RIMS2: variants seen among roughly 807,000 people sequenced by gnomAD.
RIMS2 encodes the protein regulating synaptic membrane exocytosis protein 2.
In RIMS2, 59 loss-of-function variants were observed where a neutral mutation model predicts 174.4. The observed-to-expected ratio is 0.34, with a 90% CI of 0.27 to 0.42. RIMS2 has a LOEUF of 0.42. Ranked by LOEUF, RIMS2 falls within the 10% of genes least tolerant of loss-of-function variation. The probability of loss-of-function intolerance (pLI) is 1.00; values close to 1 mark genes in which losing one functional copy is unlikely to be tolerated. For synonymous variants in RIMS2, 606 were observed against 572.5 expected (o/e 1.06, Z -0.84); for missense variants, 1,620 against 1,666.3 (o/e 0.97, Z 0.48).
chr8:103,696,862 C>CAAAAAAAAAAAAAAAAAAAAAA (rs55852238), intron 1 of RIMS2, among the ~76,000 whole-genome samples: 1 of 53,742 alleles, frequency 1.9e-5, no homozygotes, highest in Non-Finnish European at 3.5e-5. Context: ...GACTTCGTCT[C>CAAAAAAAAAAAAAAAAAAAAAA]AAAAAAAAAA....
At chr8:103,874,761 G>T (rs987304906) in intron 3 of RIMS2, among the ~76,000 whole-genome samples, 1 of 152,022 alleles carries the variant, frequency 6.6e-6, no homozygotes, top group African/African-American at 2.4e-5. Flanking sequence ...CATGGTCTCA[G>T]ACATGCCTCT....
chr8:103,937,598 G>A (rs75858367), intron 13 of RIMS2, among the ~76,000 whole-genome samples: 2,798 of 152,276 alleles, frequency 0.018, 44 homozygotes, highest in Non-Finnish European at 0.028. Flanking sequence ...ATAGGAATAC[G>A]TAATTGCTGT....
At chr8:103,822,077 A>G (rs532432372) in intron 3 of RIMS2, among the ~76,000 whole-genome samples, 1 of 64,636 alleles carries the variant, frequency 1.5e-5, no homozygotes, top group African/African-American at 6.8e-5. Flanking sequence ...TGATCTTTAA[A>G]TTGATAGAAA....
chr8:103,707,361 C>CT (rs765634684), intron 2 of RIMS2, among the ~76,000 whole-genome samples: 1 of 152,178 alleles, frequency 6.6e-6, no homozygotes, highest in Non-Finnish European at 1.5e-5. Context: ...GCATTGAAGA[C>CT]TTTAAGTATT....
chr8:103,882,353 T>C (rs1402524957), intron 3 of RIMS2, among the ~76,000 whole-genome samples: 2 of 151,642 alleles, frequency 1.3e-5, no homozygotes, highest in Non-Finnish European at 3.0e-5. Flanking sequence ...AAGTAATTCA[T>C]AATATAGTTG....
chr8:104,020,471 G>T (rs1440707379), intron 19 of RIMS2, among the ~76,000 whole-genome samples: 1 of 151,912 alleles, frequency 6.6e-6, no homozygotes, highest in Admixed American at 6.6e-5. Flanking sequence ...TATTTAAAAT[G>T]TCTATTCTTT....
chr8:103,572,257 C>A (rs985229931), intron 1 of RIMS2, among the ~76,000 whole-genome samples: 1 of 152,300 alleles, frequency 6.6e-6, no homozygotes, highest in East Asian at 1.9e-4. Context: ...AGCGAAAGAA[C>A]AAAGCTTCCA....
At chr8:103,810,455 G>A (rs2098679333) in intron 3 of RIMS2, among the ~76,000 whole-genome samples, 1 of 152,084 alleles carries the variant, frequency 6.6e-6, no homozygotes, top group African/African-American at 2.4e-5. Flanking sequence ...TATATAGCTG[G>A]CAATGACAAT....
intron 19 of RIMS2, among the ~76,000 whole-genome samples, chr8:104,167,333 A>G (rs1490503929): frequency 2.0e-5 from 3 of 152,150 alleles, no homozygotes; most frequent in South Asian, 2.1e-4. Flanking sequence ...ATCCATGCCA[A>G]CATATATTGT....
At chr8:104,251,859 CAAA>C (rs34085789), downstream of RIMS2, 284 of 708,440 alleles carry the variant, frequency 4.0e-4, no homozygotes, top group South Asian at 6.7e-4. Context: ...ACCAGCGTTA[CAAA>C]AAAAAAAAAA....
At chr8:103,623,349 A>G (rs79141429) in intron 1 of RIMS2, among the ~76,000 whole-genome samples, 9,419 of 152,168 alleles carry the variant, frequency 0.062, 368 homozygotes, top group East Asian at 0.16. Flanking sequence ...TTCTATATAA[A>G]ATTTTTTATA....
intron 19 of RIMS2, among the ~76,000 whole-genome samples, chr8:104,056,692 G>A (rs1467361661): frequency 6.6e-6 from 1 of 151,958 alleles, no homozygotes; most frequent in Admixed American, 6.6e-5. Context: ...GACCAGCCGG[G>A]GAAACATAGC....
At chr8:103,887,351 A>G (rs2099209772) in intron 4 of RIMS2, among the ~76,000 whole-genome samples, 1 of 151,380 alleles carries the variant, frequency 6.6e-6, no homozygotes, top group Admixed American at 6.6e-5. Context: ...TCTCATTTTA[A>G]TGTTTATCTA....
chr8:103,519,274 G>C (rs1184809636), intron 1 of RIMS2, among the ~76,000 whole-genome samples: 1 of 151,982 alleles, frequency 6.6e-6, no homozygotes, highest in South Asian at 2.1e-4. Flanking sequence ...AAGTAATTCA[G>C]ACAACATTAA....
intron 19 of RIMS2, among the ~76,000 whole-genome samples, chr8:104,236,568 TATGAC>T (rs1179658185): frequency 3.3e-5 from 5 of 152,084 alleles, no homozygotes; most frequent in Admixed American, 6.6e-5. Context: ...CATTTTCACA[TATGAC>T]ATGACATTTT....
At chr8:103,614,058 C>T (rs551293697) in intron 1 of RIMS2, among the ~76,000 whole-genome samples, 1 of 152,376 alleles carries the variant, frequency 6.6e-6, no homozygotes, top group East Asian at 1.9e-4. Context: ...CCATAGGTCA[C>T]ATGCCTCCTT....
intron 3 of RIMS2, among the ~76,000 whole-genome samples, chr8:103,832,916 G>A (rs1473014901): frequency 6.6e-6 from 1 of 152,298 alleles, no homozygotes. Flanking sequence ...AGAGAAATGA[G>A]TAGTCTTTTA....
chr8:104,203,963 T>C (rs774376780), intron 19 of RIMS2, among the ~76,000 whole-genome samples: 1 of 152,202 alleles, frequency 6.6e-6, no homozygotes, highest in Non-Finnish European at 1.5e-5. Context: ...GCAAAGCCAA[T>C]AGTTTGAATA....
chr8:103,542,606 A>G (rs562010162), intron 1 of RIMS2, among the ~76,000 whole-genome samples: 3 of 152,336 alleles, frequency 2.0e-5, no homozygotes, highest in Non-Finnish European at 4.4e-5. Context: ...TGATGAGCAT[A>G]GATGCAGAAA....
Sources: allele counts gnomAD v4.1 joint callset (sites outside exome capture counted in the v4.1 genomes callset), GRCh38; gene constraint gnomAD v4.1.1; transcripts MANE v1.5; gene names NCBI Gene and HGNC (gene_info 2026-07-23, HGNC 2026-07-21).